RBFOX1: variants seen among roughly 807,000 people sequenced by gnomAD.
RBFOX1 encodes the protein RNA binding fox-1 homolog 1, also known as RNA binding protein fox-1 homolog 1.
RBFOX1 carries 8 observed loss-of-function variants against 57.7 expected under a neutral mutation model. The observed-to-expected ratio is 0.14, with a 90% CI of 0.08 to 0.25. The LOEUF (loss-of-function observed/expected upper bound fraction) is 0.25, where lower values mean the gene tolerates loss of function less well. Among genes scored for constraint, RBFOX1 ranks in the 10% least tolerant of loss-of-function variants. The probability of loss-of-function intolerance (pLI) is 1.00; values close to 1 mark genes in which losing one functional copy is unlikely to be tolerated. For missense variants in RBFOX1, 611 were observed against 548.5 expected, an observed-to-expected ratio of 1.11 and a Z score of -1.14; for synonymous variants, 326 against 222.4, an observed-to-expected ratio of 1.47 and a Z score of -4.15.
At chr16:6,973,915 C>T (rs2086170126) in intron 3 of RBFOX1, among the ~76,000 whole-genome samples, 2 of 152,136 alleles carry the variant, frequency 1.3e-5, no homozygotes, top group African/African-American at 2.4e-5. Context: ...TAGCTTTTAT[C>T]CCTAATGCTC....
intron 4 of RBFOX1, among the ~76,000 whole-genome samples, chr16:7,408,853 G>T (rs927285409): frequency 6.6e-6 from 1 of 150,626 alleles, no homozygotes; most frequent in African/African-American, 2.5e-5. Flanking sequence ...TGGGGGCAGG[G>T]GGGTGGTTAA....
intron 2 of RBFOX1, among the ~76,000 whole-genome samples, chr16:6,460,216 C>G (rs903435265): frequency 2.0e-5 from 3 of 151,980 alleles, no homozygotes; most frequent in Non-Finnish European, 4.4e-5. Flanking sequence ...TTGGTTCTCT[C>G]TCCTTGGCTT....
At chr16:5,489,956 G>T (rs945509225) in intron 2 of RBFOX1, among the ~76,000 whole-genome samples, 1 of 152,172 alleles carries the variant, frequency 6.6e-6, no homozygotes, top group Admixed American at 6.5e-5. Context: ...CATCTGGAAG[G>T]AGGTCAGACC....
intron 5 of RBFOX1, among the ~76,000 whole-genome samples, chr16:7,533,938 A>G (rs959700378): frequency 1.3e-5 from 2 of 152,112 alleles, no homozygotes; most frequent in East Asian, 1.9e-4. Flanking sequence ...TCTAAAACCA[A>G]TGGTGGGCGA....
chr16:6,703,900 C>T (rs546666597), intron 3 of RBFOX1: 1 of 152,162 alleles, frequency 6.6e-6, no homozygotes, highest in Non-Finnish European at 1.5e-5. Context: ...ACAGCAGACT[C>T]CTCCTATCTC....
At chr16:5,578,671 T>C (rs1463977177) in intron 2 of RBFOX1, among the ~76,000 whole-genome samples, 2 of 152,048 alleles carry the variant, frequency 1.3e-5, no homozygotes, top group Non-Finnish European at 2.9e-5. Context: ...CCTTCAAGGT[T>C]CTCGGCAAAA....
At chr16:5,673,781 C>A in intron 3 of RBFOX1, among the ~76,000 whole-genome samples, 1 of 152,244 alleles carries the variant, frequency 6.6e-6, no homozygotes, top group East Asian at 1.9e-4. Context: ...CAGTGCATCA[C>A]TGTAATTCTT....
At chr16:6,532,810 A>T (rs542339064) in intron 2 of RBFOX1, among the ~76,000 whole-genome samples, 1 of 152,262 alleles carries the variant, frequency 6.6e-6, no homozygotes, top group African/African-American at 2.4e-5. Flanking sequence ...TGCTCCTAGC[A>T]TGTACACATT....
intron 2 of RBFOX1, among the ~76,000 whole-genome samples, chr16:6,635,345 C>T (rs1281281074): frequency 1.3e-5 from 2 of 151,934 alleles, no homozygotes; most frequent in Non-Finnish European, 2.9e-5. Context: ...GTATAAAATG[C>T]CCTGTAAATA....
chr16:7,384,031 G>A (rs1048706561), intron 4 of RBFOX1, among the ~76,000 whole-genome samples: 2 of 148,310 alleles, frequency 1.3e-5, no homozygotes, highest in African/African-American at 2.5e-5. Context: ...CCCAGCCTGG[G>A]CAACAGAGTG....
At chr16:6,528,744 G>A (rs2096616134) in intron 2 of RBFOX1, among the ~76,000 whole-genome samples, 1 of 152,068 alleles carries the variant, frequency 6.6e-6, no homozygotes, top group Non-Finnish European at 1.5e-5. Context: ...TGGTTCAGGG[G>A]AGCTGTCCTG....
intron 1 of RBFOX1, among the ~76,000 whole-genome samples, chr16:6,078,802 G>A (rs1051571478): frequency 6.6e-6 from 1 of 152,106 alleles, no homozygotes; most frequent in African/African-American, 2.4e-5. Context: ...TCATCATTCT[G>A]GATTTTCCAT....
chr16:5,654,741 C>G (rs554055050), intron 3 of RBFOX1, among the ~76,000 whole-genome samples: 3 of 152,266 alleles, frequency 2.0e-5, no homozygotes, highest in Admixed American at 2.0e-4. Context: ...CTCCTGCAGC[C>G]TTTGCCATGT....
intron 4 of RBFOX1, among the ~76,000 whole-genome samples, chr16:7,237,209 T>G (rs1027717148): frequency 7.9e-5 from 12 of 152,196 alleles, no homozygotes; most frequent in Admixed American, 2.6e-4. Flanking sequence ...GCCTGGCATC[T>G]GGGTTCTTGC....
intron 2 of RBFOX1, among the ~76,000 whole-genome samples, chr16:6,336,834 C>G (rs1207088007): frequency 2.0e-4 from 30 of 152,124 alleles, no homozygotes; most frequent in Admixed American, 1.9e-3. Flanking sequence ...TCCTTTAACA[C>G]CTGAGTGAAA....
chr16:7,273,016 T>C (rs1486015253), intron 4 of RBFOX1, among the ~76,000 whole-genome samples: 3 of 136,624 alleles, frequency 2.2e-5, no homozygotes, highest in Admixed American at 2.2e-4. Context: ...CCTTCCTTTC[T>C]GCCTTCCTTC....
chr16:5,731,334 A>C (rs561306217), intron 3 of RBFOX1, among the ~76,000 whole-genome samples: 1 of 152,312 alleles, frequency 6.6e-6, no homozygotes, highest in African/African-American at 2.4e-5. Context: ...CACCACCACT[A>C]CTGTAATCAC....
At chr16:7,433,438 T>A (rs1392874466) in intron 4 of RBFOX1, among the ~76,000 whole-genome samples, 1 of 152,202 alleles carries the variant, frequency 6.6e-6, no homozygotes. Context: ...TAATAGGGGA[T>A]AATGAATGTT....
chr16:6,953,313 A>T (rs2081138372), intron 3 of RBFOX1, among the ~76,000 whole-genome samples: 1 of 152,186 alleles, frequency 6.6e-6, no homozygotes, highest in Non-Finnish European at 1.5e-5. Context: ...CAGAAGATTT[A>T]TGGAGTCTCT....
Sources: gnomAD v4.1 joint callset for allele counts (sites outside exome capture counted in the v4.1 genomes callset) on GRCh38, gnomAD v4.1.1 for gene constraint, MANE v1.5 for transcripts, NCBI Gene and HGNC (gene_info 2026-07-23, HGNC 2026-07-21) for gene names.